The following GPHN variants were observed in gnomAD, a reference collection of about 807,000 sequenced individuals.
GPHN encodes the protein gephyrin.
GPHN carries 17 observed loss-of-function variants against 95.5 expected under a neutral mutation model. That is an observed-to-expected ratio of 0.18 (90% CI 0.12 to 0.27). The LOEUF (loss-of-function observed/expected upper bound fraction) is 0.27. GPHN is among the 10% of genes least tolerant of loss of function. The pLI is 1.00. For missense variants in GPHN, 660 were observed against 978.1 expected (o/e 0.67, Z 4.34); for synonymous variants, 320 against 322.5 (o/e 0.99, Z 0.08).
intron 2 of GPHN, among the ~76,000 whole-genome samples, chr14:66,751,655 G>T (rs566836734): frequency 1.3e-5 from 2 of 152,150 alleles, no homozygotes; most frequent in South Asian, 2.1e-4. Flanking sequence ...TGTTTATTCT[G>T]TTGATAGTTT....
At chr14:67,690,389 T>C in the GPHN span, 1 of 1,614,182 alleles carries the variant, frequency 6.2e-7, no homozygotes, top group Non-Finnish European at 8.5e-7. Context: ...TCCTTTAGTT[T>C]CTCTAGCAGC....
the GPHN span, among the ~76,000 whole-genome samples, chr14:67,383,154 G>A: frequency 6.6e-6 from 1 of 152,084 alleles, no homozygotes; most frequent in Non-Finnish European, 1.5e-5. Context: ...TCTTATTTAT[G>A]TAATGGAATT....
At chr14:66,833,687 T>C (rs1177680583) in intron 4 of GPHN, among the ~76,000 whole-genome samples, 2 of 151,630 alleles carry the variant, frequency 1.3e-5, no homozygotes, top group Admixed American at 6.6e-5. Context: ...AAAGTTCTGA[T>C]GTAATCTGCA....
chr14:66,939,341 A>G (rs989878145), intron 8 of GPHN, among the ~76,000 whole-genome samples: 1 of 152,138 alleles, frequency 6.6e-6, no homozygotes, highest in African/African-American at 2.4e-5. Context: ...CAGAAAAACA[A>G]CCTGATTCAA....
chr14:66,881,556 G>A (rs546753503), intron 5 of GPHN, among the ~76,000 whole-genome samples: 2 of 151,906 alleles, frequency 1.3e-5, no homozygotes, highest in South Asian at 2.1e-4. Context: ...CCTAAGGTTA[G>A]AAAGAAAAAT....
chr14:66,707,864 A>T (rs892598131), intron 2 of GPHN, among the ~76,000 whole-genome samples: 2 of 152,126 alleles, frequency 1.3e-5, no homozygotes, highest in African/African-American at 4.8e-5. Flanking sequence ...TATACATTGT[A>T]TAATGGTCAA....
chr14:67,375,440 G>C, the GPHN span, among the ~76,000 whole-genome samples: 1 of 151,514 alleles, frequency 6.6e-6, no homozygotes, highest in Non-Finnish European at 1.5e-5. Flanking sequence ...GTTCTTAGTG[G>C]TACTGTTTGT....
intron 1 of GPHN, among the ~76,000 whole-genome samples, chr14:66,570,729 C>A (rs1025714409): frequency 1.3e-5 from 2 of 152,156 alleles, no homozygotes; most frequent in Non-Finnish European, 2.9e-5. Flanking sequence ...TTCACATTCC[C>A]ACCAACAGTG....
At chr14:67,200,117 C>G in the GPHN span, 23 of 1,057,880 alleles carry the variant, frequency 2.2e-5, no homozygotes, top group East Asian at 7.3e-5. Context: ...GGCATGCCCC[C>G]CCGAAGGCCT....
intron 1 of GPHN, among the ~76,000 whole-genome samples, chr14:66,569,256 C>G (rs1040437948): frequency 6.6e-6 from 1 of 152,174 alleles, no homozygotes; most frequent in Non-Finnish European, 1.5e-5. Flanking sequence ...AAAACTGTCA[C>G]TATCATTGTG....
chr14:67,595,207 T>C, the GPHN span, among the ~76,000 whole-genome samples: 110,737 of 151,832 alleles, frequency 0.73, 41,414 homozygotes, highest in Middle Eastern at 0.83. Context: ...TCATGTAACA[T>C]AAAATCTGAT....
chr14:67,570,280 A>T, the GPHN span: 1 of 963,376 alleles, frequency 1.0e-6, no homozygotes. Flanking sequence ...ACCTTTTCTC[A>T]TGTCTGCCTC....
At chr14:67,358,433 C>T in the GPHN span, among the ~76,000 whole-genome samples, 3 of 152,144 alleles carry the variant, frequency 2.0e-5, no homozygotes, top group African/African-American at 7.2e-5. Flanking sequence ...CAGATTCTCT[C>T]AAAGGACAGA....
the GPHN span, chr14:67,312,589 G>A: frequency 7.4e-6 from 12 of 1,613,668 alleles, no homozygotes; most frequent in Non-Finnish European, 1.0e-5. Flanking sequence ...CATGTCGAGA[G>A]TTAGGTCTGT....
At chr14:67,575,576 A>G in the GPHN span, 1 of 800,356 alleles carries the variant, frequency 1.2e-6, no homozygotes. Context: ...TAACCCCACA[A>G]TAAATACAAA....
chr14:66,521,190 A>G (rs1405930031), intron 1 of GPHN, among the ~76,000 whole-genome samples: 1 of 152,190 alleles, frequency 6.6e-6, no homozygotes, highest in African/African-American at 2.4e-5. Flanking sequence ...TCTTTATGGT[A>G]GAATGATTTC....
At chr14:67,400,152 A>G in the GPHN span, among the ~76,000 whole-genome samples, 2 of 152,252 alleles carry the variant, frequency 1.3e-5, no homozygotes, top group African/African-American at 4.8e-5. Context: ...ATTTGTGCAT[A>G]TAACTGAGCT....
chr14:66,950,431 T>C (rs1157807522), intron 8 of GPHN, among the ~76,000 whole-genome samples: 5 of 152,202 alleles, frequency 3.3e-5, no homozygotes, highest in Non-Finnish European at 7.4e-5. Flanking sequence ...TTTTCTCCTC[T>C]TCTTATTATA....
the GPHN span, among the ~76,000 whole-genome samples, chr14:67,229,565 A>G: frequency 1.2e-4 from 18 of 152,222 alleles, no homozygotes; most frequent in Admixed American, 3.9e-4. Context: ...TGGTAGGGCT[A>G]CATTTTTCAC....
Sources: gnomAD v4.1 joint callset for allele counts (sites outside exome capture counted in the v4.1 genomes callset) on GRCh38, gnomAD v4.1.1 for gene constraint, MANE v1.5 for transcripts, NCBI Gene and HGNC (gene_info 2026-07-23, HGNC 2026-07-21) for gene names.